EPHB4: variants seen among roughly 807,000 people sequenced by gnomAD.
EPHB4 encodes EPH receptor B4.
In EPHB4, 50 loss-of-function variants were observed where a neutral mutation model predicts 110.6. The ratio of observed to expected loss-of-function variants is 0.45; its 90% CI spans 0.36 to 0.57. The LOEUF (loss-of-function observed/expected upper bound fraction) is 0.57. EPHB4 is among the 20% of genes least tolerant of loss of function. The probability of loss-of-function intolerance (pLI) is 0.00; values close to 1 mark genes in which losing one functional copy is unlikely to be tolerated. For synonymous variants in EPHB4, 592 were observed against 578.4 expected (o/e 1.02, Z -0.34); for missense variants, 1,128 against 1,382.1 (o/e 0.82, Z 2.91).
rs767814549 is a variant in EPHB4, at chr7:100,807,527, G to T, written c.2172C>A (p.Ile724=). 6.2e-7 allele frequency: 1 copy of T among 1,614,014 alleles called. No individual in the cohort carries two copies. Among genetic ancestry groups the T allele is most frequent in the Non-Finnish European group, 8.5e-7 (1 of 1,180,028 alleles). ...VIQLVGMLRG[I]ASGMRYLAEM... The stretch of plus-strand genomic sequence containing the variant: ...CGGCAAGGTACCGCATGCCCGAGGC[G>T]ATGCCCCGCAGCATGCCCACGAGCT... The change falls in exon 13 of 17, where the codon ATC becomes ATA. Residue 724 remains isoleucine (I), a synonymous_variant. Coordinates refer to ENST00000358173, the MANE Select transcript of EPHB4 (RefSeq NM_004444.5).
In EPHB4 at chr7:100,805,629, G is replaced by T; in HGVS notation, c.2550C>A (p.His850Gln). 6.4e-7 allele frequency: 1 copy of T among 1,556,220 alleles called. No individual in the cohort carries two copies. Among genetic ancestry groups the T allele is most frequent in the Non-Finnish European group, 8.7e-7 (1 of 1,153,524 alleles). ...TCTGCCAACAGTCCAGCATGAGCTG[G>T]TGGAGGGAGGTGGGACAGTCTGGGG... ...PPPPDCPTSL[H>Q]QLMLDCWQKD... is the part of the protein sequence containing the mutation. Residue 850 changes from histidine (H) to glutamine (Q), a missense_variant, in exon 15 of 17, where the codon CAC becomes CAA. Around this residue, in one of 3 missense-constraint regions of EPHB4, gnomAD observed 209 missense variants for 240.5 expected, o/e 0.87. Coordinates refer to ENST00000358173, the MANE Select transcript of EPHB4 (RefSeq NM_004444.5).
At chr7:100,816,906 G>A (rs1389658945) in intron 8 of EPHB4, among the ~76,000 whole-genome samples, 1 of 151,838 alleles carries the variant, frequency 6.6e-6, no homozygotes, top group Non-Finnish European at 1.5e-5. Flanking sequence ...ACGCGGTGAA[G>A]CCCCGTCTCT....
At position 100,817,195 on chromosome 7, in the gene EPHB4, C is replaced by A; in HGVS notation, c.1585G>T (p.Asp529Tyr). ...GQEHHSQTQL[D>Y]ESEGWREQLA... ...TCACCCCCTTCCCCAGGCTCACCAT[C>A]CAGTTGGGTCTGGCTGTGATGTTCC... is the stretch of plus-strand genomic sequence containing the variant. The change falls in exon 8 of 17, where the codon GAT becomes TAT. Residue 529 changes from aspartate (D) to tyrosine (Y), a missense_variant. By Grantham distance (160) the Asp-to-Tyr change is radical (BLOSUM62 -3). Coordinates refer to ENST00000358173, the MANE Select transcript of EPHB4 (RefSeq NM_004444.5). The A allele has an allele frequency of 6.5e-7, 1 of 1,547,934 alleles. No homozygotes were observed. Among genetic ancestry groups the A allele is most frequent in the Non-Finnish European group, 8.7e-7 (1 of 1,148,238 alleles).
intron 6 of EPHB4, 57 bp from the exon 7 acceptor site, chr7:100,818,701 T>TA (rs201723449): frequency 9.0e-5 from 136 of 1,509,616 alleles, no homozygotes; most frequent in Admixed American, 1.2e-4. Flanking sequence ...TCCCTTAACT[T>TA]AAAAAAAATT....
chr7:100,819,737 A>G lies in EPHB4; in HGVS notation c.1117T>C (p.Cys373Arg). The G allele has an allele frequency of 6.2e-7, 1 of 1,610,554 alleles. No individual in the cohort carries two copies. Among genetic ancestry groups the G allele is most frequent in the Non-Finnish European group, 8.5e-7 (1 of 1,178,722 alleles). ...GGGTCAAAAGTCAGGTCTCCCCCGC[A>G]GGGCGCACAGGAGCCTCCGGGTCGG... is the stretch of plus-strand genomic sequence containing the variant. ...ECRPGGSCAP[C>R]GGDLTFDPGP... The change falls in exon 6 of 17, where the codon TGC becomes CGC. Residue 373 changes from cysteine (C) to arginine (R), a missense_variant. By Grantham distance (180) the Cys-to-Arg change is radical (BLOSUM62 -3). Transcript: ENST00000358173.
intron 14 of EPHB4, 93 bp from the exon 15 acceptor site, chr7:100,805,787 A>AG (rs1241273674): frequency 7.9e-7 from 1 of 1,260,446 alleles, no homozygotes. Flanking sequence ...AGATGGTAGG[A>AG]TAGGAGCCAC....
chr7:100,816,491 G>A (rs1212180229), intron 8 of EPHB4, among the ~76,000 whole-genome samples: 6 of 151,748 alleles, frequency 4.0e-5, no homozygotes, highest in Non-Finnish European at 8.8e-5. Context: ...GCACCACCAC[G>A]CTCAGCTAAC....
At chr7:100,826,713 C>A in intron 1 of EPHB4, 1 of 402,124 alleles carries the variant, frequency 2.5e-6, no homozygotes, top group Non-Finnish European at 4.5e-6. Flanking sequence ...ATGTAATCAG[C>A]AGTGAGAGTT....
chr7:100,826,217 G>A (rs1356222131), intron 1 of EPHB4, among the ~76,000 whole-genome samples: 4 of 152,176 alleles, frequency 2.6e-5, no homozygotes, highest in African/African-American at 7.2e-5. Context: ...TGCTTGGAGA[G>A]ACCAGGAGGT....
chr7:100,812,906 G>A lies in EPHB4; in HGVS notation c.1959C>T (p.Tyr653=). The change falls in exon 12 of 17, where the codon TAC becomes TAT. Residue 653 remains tyrosine, a synonymous_variant. Transcript: ENST00000358173. ...GAAACTCACGCCGCTGCCGCTCCGT[G>A]TAGCCACCCTTCAGGGTCTTGATTG... ...CVAIKTLKGG[Y]TERQRREFLS... The A allele has an allele frequency of 6.2e-7, 1 of 1,614,220 alleles. No individual in the cohort carries two copies. The highest frequency in any genetic ancestry group is 8.5e-7 in the Non-Finnish European group (1 of 1,180,038).
At position 100,803,412 on chromosome 7, in the gene EPHB4, C is replaced by G; in HGVS notation, c.*49G>C. 1 of 1,477,432 alleles carries G rather than the reference C, an allele frequency of 6.8e-7. No homozygotes were observed. The highest frequency in any genetic ancestry group is 1.4e-5 in the South Asian group (1 of 71,662). 91.5% of individuals were successfully genotyped at this position (1,477,432 alleles called of 1,614,324 possible). A position where few individuals can be genotyped will look rare whatever the true frequency, so the allele number is the denominator to read the frequency against. ...GGGGCCTCTGTGAGTCCCCACTCTG[C>G]CCCGGAAAATGGGGAGGCGGTGTCC... On this transcript the variant is annotated 3_prime_UTR_variant, in exon 17 of 17. Coordinates refer to ENST00000358173, the MANE Select transcript of EPHB4 (RefSeq NM_004444.5).
chr7:100,805,323 TA>T lies in EPHB4; in HGVS notation c.2679-3del. On this transcript the variant is annotated splice_region_variant and splice_polypyrimidine_tract_variant and intron_variant, in intron 15 of 16. Coordinates refer to ENST00000358173, the MANE Select transcript of EPHB4 (RefSeq NM_004444.5). ...TGGTCCAGGAGAGGGTGTGAGGCCC[TA>T]GGGGGCAAGGATGGGGAGGAATGCT... is the stretch of plus-strand genomic sequence containing the variant. The T allele has an allele frequency of 6.2e-7, 1 of 1,613,686 alleles. No homozygotes were observed.
intron 13 of EPHB4, 95 bp downstream of exon 13, chr7:100,807,270 A>C: frequency 7.6e-7 from 1 of 1,313,142 alleles, no homozygotes; most frequent in Non-Finnish European, 1.1e-6. Context: ...CTCTCCCTGG[A>C]GCAGGGCTGC....
At chr7:100,821,114 C>G (rs529870867) in intron 4 of EPHB4, 4 of 149,992 alleles carry the variant, frequency 2.7e-5, no homozygotes, top group East Asian at 2.1e-4. Flanking sequence ...GCAAAAAGAG[C>G]GAAACTCCTT....
chr7:100,815,962 T>C (rs1158485915), intron 8 of EPHB4, among the ~76,000 whole-genome samples: 1 of 152,068 alleles, frequency 6.6e-6, no homozygotes, highest in East Asian at 1.9e-4. Context: ...CACTCCAGCC[T>C]GGGTGATAAA....
intron 1 of EPHB4, chr7:100,824,647 CTT>C (rs1285738540): frequency 6.5e-5 from 14 of 216,640 alleles, no homozygotes; most frequent in Admixed American, 5.6e-4. Flanking sequence ...AGGGGAACCT[CTT>C]GTCTCAGCCT....
At position 100,813,154 on chromosome 7, in the gene EPHB4, C is replaced by T. The variant is rs1477357696; in HGVS notation, c.1811G>A (p.Arg604Lys). ...FTYEDPNEAV[R>K]EFAKEIDVSY... The stretch of plus-strand genomic sequence containing the variant: ...GACATCGATCTCTTTTGCAAATTCC[C>T]TCACAGCCTCATTAGGGTCTTCATA... Residue 604 changes from arginine to lysine, a missense_variant, in exon 11 of 17, where the codon AGG becomes AAG. Around this residue, in one of 3 missense-constraint regions of EPHB4, gnomAD observed 191 missense variants for 313.0 expected, o/e 0.61. Coordinates refer to ENST00000358173, the MANE Select transcript of EPHB4 (RefSeq NM_004444.5). 1.2e-6 allele frequency: 2 copies of T among 1,610,438 alleles called. No individual in the cohort carries two copies. The highest frequency in any genetic ancestry group is 4.5e-5 in the East Asian group (2 of 44,870).
intron 7 of EPHB4, 78 bp from the exon 8 acceptor site, chr7:100,817,435 C>T (rs1813104863): frequency 4.8e-6 from 7 of 1,453,062 alleles, no homozygotes; most frequent in Non-Finnish European, 6.4e-6. Context: ...CTTCCCTCGC[C>T]CTCCACTCCC....
At chr7:100,808,540 G>A (rs1584655135) in intron 12 of EPHB4, among the ~76,000 whole-genome samples, 1 of 152,160 alleles carries the variant, frequency 6.6e-6, no homozygotes, top group Non-Finnish European at 1.5e-5. Flanking sequence ...TACAGGTGGA[G>A]ATACATTGGT....
Sources: gnomAD v4.1 joint callset for allele counts (sites outside exome capture counted in the v4.1 genomes callset) on GRCh38, gnomAD v4.1.1 for gene constraint, gnomAD v4.1.1 regional missense constraint, MANE v1.5 for transcripts, NCBI Gene and HGNC (gene_info 2026-07-23, HGNC 2026-07-21) for gene names.